GPC6: variants seen among roughly 807,000 people sequenced by gnomAD.
GPC6 encodes the protein glypican 6, also known as glypican-6.
A neutral mutation model predicts 55.2 loss-of-function variants in GPC6; 14 were observed. The ratio of observed to expected loss-of-function variants is 0.25; its 90% confidence interval spans 0.17 to 0.40. The LOEUF is 0.40. GPC6 is among the 10% of genes least tolerant of loss of function. The pLI is 1.00. For missense variants in GPC6, 641 were observed against 708.5 expected, an observed-to-expected ratio of 0.90 and a Z score of 1.08; for synonymous variants, 278 against 259.6, an observed-to-expected ratio of 1.07 and a Z score of -0.68.
At chr13:94,052,422 GA>G (rs1566340487) in intron 4 of GPC6, among the ~76,000 whole-genome samples, 2 of 152,142 alleles carry the variant, frequency 1.3e-5, no homozygotes, top group African/African-American at 4.8e-5. Flanking sequence ...TATCATTATT[GA>G]AAGTTTGGTT....
chr13:94,327,489 T>C (rs1158204036), intron 6 of GPC6, among the ~76,000 whole-genome samples: 1 of 151,952 alleles, frequency 6.6e-6, no homozygotes, highest in Non-Finnish European at 1.5e-5. Flanking sequence ...ACAGGAAAAA[T>C]GGTGTTTTCA....
intron 1 of GPC6, among the ~76,000 whole-genome samples, chr13:93,494,708 G>C (rs948966480): frequency 7.2e-5 from 11 of 151,858 alleles, no homozygotes; most frequent in African/African-American, 1.5e-4. Flanking sequence ...AGCTCTTTCA[G>C]GGCAGGCCTG....
intron 4 of GPC6, among the ~76,000 whole-genome samples, chr13:94,218,633 G>C (rs553309356): frequency 9.9e-5 from 15 of 152,254 alleles, no homozygotes; most frequent in African/African-American, 3.4e-4. Flanking sequence ...GTACCCCCAG[G>C]CTTCTGCACC....
chr13:93,316,242 G>A (rs1489616033), intron 1 of GPC6, among the ~76,000 whole-genome samples: 1 of 151,936 alleles, frequency 6.6e-6, no homozygotes, highest in Non-Finnish European at 1.5e-5. Flanking sequence ...TCATGCCCTA[G>A]ACTATTACCA....
chr13:94,125,163 T>C (rs2138858310), intron 4 of GPC6, among the ~76,000 whole-genome samples: 1 of 152,286 alleles, frequency 6.6e-6, no homozygotes, highest in Non-Finnish European at 1.5e-5. Context: ...TCCTTCTATA[T>C]GTGTGTACCA....
At chr13:93,814,472 A>G (rs927146235) in intron 2 of GPC6, among the ~76,000 whole-genome samples, 2 of 152,192 alleles carry the variant, frequency 1.3e-5, no homozygotes, top group Non-Finnish European at 2.9e-5. Flanking sequence ...TACATTAGGT[A>G]TGACTTAAGC....
chr13:93,996,805 T>G (rs1881577185), intron 3 of GPC6, among the ~76,000 whole-genome samples: 1 of 152,302 alleles, frequency 6.6e-6, no homozygotes, highest in Middle Eastern at 3.4e-3. Flanking sequence ...TGATATTTAT[T>G]TAGGTGGAAG....
chr13:94,038,322 TA>T (rs532864006), intron 4 of GPC6, among the ~76,000 whole-genome samples: 2 of 151,768 alleles, frequency 1.3e-5, no homozygotes, highest in African/African-American at 4.8e-5. Flanking sequence ...TTCATTTTCC[TA>T]AAAAAAATTT....
intron 6 of GPC6, among the ~76,000 whole-genome samples, chr13:94,340,141 A>T (rs1877955954): frequency 6.6e-6 from 1 of 152,168 alleles, no homozygotes; most frequent in Non-Finnish European, 1.5e-5. Context: ...TCAGTTGCTT[A>T]TAGGTATCAA....
intron 4 of GPC6, among the ~76,000 whole-genome samples, chr13:94,045,136 A>C (rs748154589): frequency 1.4e-4 from 22 of 151,866 alleles, no homozygotes; most frequent in Non-Finnish European, 2.5e-4. Context: ...CTCCATTACA[A>C]ATGTCTTCCT....
intron 4 of GPC6, among the ~76,000 whole-genome samples, chr13:94,182,229 A>G (rs1594031066): frequency 6.6e-6 from 1 of 152,080 alleles, no homozygotes; most frequent in Non-Finnish European, 1.5e-5. Context: ...ATAAATGCTC[A>G]AGTCACTGAA....
chr13:94,158,455 A>G (rs1329468378), intron 4 of GPC6, among the ~76,000 whole-genome samples: 1 of 152,122 alleles, frequency 6.6e-6, no homozygotes, highest in Non-Finnish European at 1.5e-5. Context: ...AAGAGAACAC[A>G]ATTCATAAAT....
chr13:93,299,988 C>T (rs1261090253), intron 1 of GPC6, among the ~76,000 whole-genome samples: 1 of 152,158 alleles, frequency 6.6e-6, no homozygotes, highest in Non-Finnish European at 1.5e-5. Flanking sequence ...TTAATGTCAA[C>T]AGCTACAACA....
At chr13:93,348,093 G>C (rs568640563) in intron 1 of GPC6, among the ~76,000 whole-genome samples, 1 of 152,194 alleles carries the variant, frequency 6.6e-6, no homozygotes, top group Non-Finnish European at 1.5e-5. Flanking sequence ...ATATACCATA[G>C]TTTGGAAAAC....
chr13:94,090,960 GA>G (rs1296152323), intron 4 of GPC6, among the ~76,000 whole-genome samples: 1 of 152,130 alleles, frequency 6.6e-6, no homozygotes, highest in Non-Finnish European at 1.5e-5. Context: ...AATTGAAAGT[GA>G]AAGCCAATTC....
chr13:93,306,901 C>CT (rs1878875509), intron 1 of GPC6, among the ~76,000 whole-genome samples: 1 of 152,076 alleles, frequency 6.6e-6, no homozygotes, highest in South Asian at 2.1e-4. Flanking sequence ...CTAGCAAACT[C>CT]TCGGTTCCAA....
At chr13:93,879,774 G>A (rs1874839855) in intron 3 of GPC6, among the ~76,000 whole-genome samples, 1 of 151,990 alleles carries the variant, frequency 6.6e-6, no homozygotes, top group South Asian at 2.1e-4. Flanking sequence ...AGAGTGAACA[G>A]GTAACCTACA....
chr13:93,572,050 C>G (rs1876431550), intron 2 of GPC6, among the ~76,000 whole-genome samples: 1 of 152,106 alleles, frequency 6.6e-6, no homozygotes, highest in East Asian at 1.9e-4. Context: ...GGCCAAGAAG[C>G]TCAATCTGAG....
intron 4 of GPC6, among the ~76,000 whole-genome samples, chr13:94,096,599 A>C (rs1885666143): frequency 6.6e-6 from 1 of 152,182 alleles, no homozygotes; most frequent in Non-Finnish European, 1.5e-5. Flanking sequence ...CTTGTCTTAA[A>C]TCACAGAGCT....
Sources: allele counts gnomAD v4.1 joint callset (sites outside exome capture counted in the v4.1 genomes callset), GRCh38; gene constraint gnomAD v4.1.1; transcripts MANE v1.5; gene names NCBI Gene and HGNC (gene_info 2026-07-23, HGNC 2026-07-21).